Variants in KLF8 observed in about 807,000 individuals in gnomAD.
KLF8 encodes Krueppel-like factor 8.
In KLF8, 10 loss-of-function variants were observed where a neutral mutation model predicts 18.2. The observed-to-expected ratio is 0.55, with a 90% CI of 0.34 to 0.93. The LOEUF (loss-of-function observed/expected upper bound fraction) is 0.93. Among genes scored for constraint, KLF8 ranks in the 40% least tolerant of loss-of-function variants. The probability of loss-of-function intolerance (pLI) is 0.02; values close to 1 mark genes in which losing one functional copy is unlikely to be tolerated. For synonymous variants in KLF8, 109 were observed against 97.3 expected, an observed-to-expected ratio of 1.12 and a Z score of -0.71; for missense variants, 264 against 277.9, an observed-to-expected ratio of 0.95 and a Z score of 0.36.
the KLF8 span, among the ~76,000 whole-genome samples, chrX:56,068,365 C>T: frequency 1.8e-5 from 2 of 110,353 alleles, no homozygotes; most frequent in Non-Finnish European, 3.8e-5. Flanking sequence ...TTAGAGGGTG[C>T]AGCTTCCTGT....
the KLF8 span, among the ~76,000 whole-genome samples, chrX:56,068,608 C>T: frequency 9.0e-6 from 1 of 111,268 alleles, no homozygotes; most frequent in Non-Finnish European, 1.9e-5. Context: ...ATAACTTTTG[C>T]CCCAACAGCT....
At chrX:56,104,064 A>G in the KLF8 span, among the ~76,000 whole-genome samples, 1 of 111,895 alleles carries the variant, frequency 8.9e-6, no homozygotes, top group Non-Finnish European at 1.9e-5. Context: ...GATGAAGCCC[A>G]CTTGATCATA....
the KLF8 span, among the ~76,000 whole-genome samples, chrX:55,955,109 A>T: frequency 9.0e-6 from 1 of 111,725 alleles, no homozygotes; most frequent in Non-Finnish European, 1.9e-5. Flanking sequence ...TTATTAAATT[A>T]TACTATTAAA....
the KLF8 span, among the ~76,000 whole-genome samples, chrX:56,123,292 A>AAAGG: frequency 9.7e-6 from 1 of 103,588 alleles, no homozygotes; most frequent in African/African-American, 4.2e-5. Flanking sequence ...AGAAAGAAAG[A>AAAGG]AAGAAAGAGA....
At chrX:56,219,065 T>A in the KLF8 span, among the ~76,000 whole-genome samples, 1 of 112,299 alleles carries the variant, frequency 8.9e-6, no homozygotes, top group Non-Finnish European at 1.9e-5. Flanking sequence ...TACAAGATGA[T>A]AAAAATATTC....
chrX:56,229,546 G>C (rs1256200029), upstream of KLF8, among the ~76,000 whole-genome samples: 3 of 111,884 alleles, frequency 2.7e-5, no homozygotes, highest in Non-Finnish European at 5.6e-5. Flanking sequence ...ACACCCTTTC[G>C]TGTGACATAG....
the KLF8 span, chrX:55,908,172 G>A: frequency 5.4e-6 from 1 of 186,039 alleles, no homozygotes. Flanking sequence ...GGGTGTGGCG[G>A]GGCCTGCCCC....
At chrX:56,171,711 T>C in the KLF8 span, among the ~76,000 whole-genome samples, 1 of 111,898 alleles carries the variant, frequency 8.9e-6, no homozygotes, top group South Asian at 3.8e-4. Context: ...CTCATCCTTT[T>C]TTATGGCTGC....
chrX:56,093,903 A>ATATG, the KLF8 span, among the ~76,000 whole-genome samples: 2 of 77,723 alleles, frequency 2.6e-5, no homozygotes, highest in African/African-American at 1.1e-4. Flanking sequence ...CGTATATATT[A>ATATG]TATGTGTGTG....
intron 5 of KLF8, among the ~76,000 whole-genome samples, chrX:56,273,623 T>C (rs1251770897): frequency 1.8e-5 from 2 of 111,749 alleles, no homozygotes; most frequent in Non-Finnish European, 3.8e-5. Flanking sequence ...CTTAACATAA[T>C]GACCTCCAGT....
the KLF8 span, among the ~76,000 whole-genome samples, chrX:56,105,434 C>T: frequency 9.0e-6 from 1 of 111,359 alleles, no homozygotes; most frequent in Non-Finnish European, 1.9e-5. Context: ...ATAGTTAGCT[C>T]TTCTTGTTGA....
At chrX:55,970,907 T>C in the KLF8 span, among the ~76,000 whole-genome samples, 1 of 111,303 alleles carries the variant, frequency 9.0e-6, no homozygotes, top group African/African-American at 3.3e-5. Flanking sequence ...GGAAAGAAAT[T>C]GAAGAGGACA....
At chrX:55,982,661 G>T in the KLF8 span, among the ~76,000 whole-genome samples, 1 of 111,638 alleles carries the variant, frequency 9.0e-6, no homozygotes, top group Non-Finnish European at 1.9e-5. Context: ...TGAATAAGTT[G>T]CCTAACCTCC....
chrX:56,117,752 T>A, the KLF8 span, among the ~76,000 whole-genome samples: 1 of 112,323 alleles, frequency 8.9e-6, no homozygotes, highest in Non-Finnish European at 1.9e-5. Flanking sequence ...TTTAATCTAA[T>A]CCTTGTGTCA....
the KLF8 span, among the ~76,000 whole-genome samples, chrX:56,195,786 T>C: frequency 9.0e-6 from 1 of 111,162 alleles, no homozygotes. Flanking sequence ...ATTGTCAGAT[T>C]CACAAGGGTC....
At chrX:55,937,756 C>T in the KLF8 span, among the ~76,000 whole-genome samples, 1 of 112,059 alleles carries the variant, frequency 8.9e-6, no homozygotes, top group African/African-American at 3.2e-5. Flanking sequence ...ATTTCATCAA[C>T]TGGAAGAAAG....
At chrX:56,175,857 C>T in the KLF8 span, among the ~76,000 whole-genome samples, 1 of 111,259 alleles carries the variant, frequency 9.0e-6, no homozygotes, top group Non-Finnish European at 1.9e-5. Context: ...ATGTAATGGC[C>T]TTCTTTGTCT....
At chrX:56,052,446 T>C in the KLF8 span, among the ~76,000 whole-genome samples, 2 of 111,931 alleles carry the variant, frequency 1.8e-5, no homozygotes, top group Non-Finnish European at 3.8e-5. Flanking sequence ...GATGGGTTTT[T>C]GGTGTGGATG....
chrX:56,082,603 G>A, the KLF8 span, among the ~76,000 whole-genome samples: 1 of 106,394 alleles, frequency 9.4e-6, no homozygotes, highest in South Asian at 4.1e-4. Context: ...GCTATAAATT[G>A]CCCTTTTATC....
Sources: gnomAD v4.1 joint callset for allele counts (sites outside exome capture counted in the v4.1 genomes callset) on GRCh38, gnomAD v4.1.1 for gene constraint, MANE v1.5 for transcripts, NCBI Gene and HGNC (gene_info 2026-07-23, HGNC 2026-07-21) for gene names.